The following ASPRV1 variants were observed in gnomAD, a reference collection of about 807,000 sequenced individuals.
ASPRV1 encodes the protein retroviral-like aspartic protease 1.
A neutral mutation model predicts 11.0 loss-of-function variants in ASPRV1; 7 were observed. That is an observed-to-expected ratio of 0.64 (90% CI 0.36 to 1.20). The LOEUF is 1.20. Among genes scored for constraint, ASPRV1 ranks in the 50% most tolerant of loss-of-function variants. The pLI, the probability that ASPRV1 is intolerant of heterozygous loss-of-function variation, is 0.02. For missense variants in ASPRV1, 299 were observed against 320.0 expected (o/e 0.93, Z 0.50); for synonymous variants, 136 against 138.4 (o/e 0.98, Z 0.12).
At chr2:70,010,720 G>C in the ASPRV1 span, among the ~76,000 whole-genome samples, 1 of 152,138 alleles carries the variant, frequency 6.6e-6, no homozygotes. Context: ...CATGAGAGCT[G>C]CTTCCTCCAG....
the ASPRV1 span, chr2:69,938,069 A>G: frequency 3.7e-6 from 6 of 1,606,624 alleles, no homozygotes; most frequent in Non-Finnish European, 5.1e-6. Flanking sequence ...GCTTTCATCA[A>G]TGTCCTTCTC....
At chr2:69,938,482 G>T in the ASPRV1 span, 2 of 569,840 alleles carry the variant, frequency 3.5e-6, no homozygotes, top group East Asian at 3.1e-5. Context: ...TCTTTTTCTC[G>T]CCATAAAAAT....
chr2:69,948,674 T>C, the ASPRV1 span, among the ~76,000 whole-genome samples: 2 of 152,078 alleles, frequency 1.3e-5, no homozygotes, highest in African/African-American at 2.4e-5. Context: ...GTGGAGCCCT[T>C]TGGTCTCAGG....
chr2:69,966,400 G>A (rs1231977215), upstream of ASPRV1, among the ~76,000 whole-genome samples: 2 of 152,156 alleles, frequency 1.3e-5, no homozygotes, highest in Admixed American at 6.5e-5. Context: ...TCCTTGCCAC[G>A]GAGGGCCAGG....
the ASPRV1 span, among the ~76,000 whole-genome samples, chr2:70,058,221 TTTC>T: frequency 1.3e-5 from 2 of 152,230 alleles, no homozygotes; most frequent in Non-Finnish European, 2.9e-5. Flanking sequence ...TCTTTATAAA[TTTC>T]TTGTCAAAAT....
the ASPRV1 span, among the ~76,000 whole-genome samples, chr2:70,003,856 C>G: frequency 2.0e-5 from 3 of 152,324 alleles, no homozygotes; most frequent in African/African-American, 7.2e-5. Flanking sequence ...GGGTTCCTCA[C>G]AAAAGGACAA....
upstream of ASPRV1, among the ~76,000 whole-genome samples, chr2:69,965,928 C>A (rs1489363346): frequency 6.6e-6 from 1 of 152,244 alleles, no homozygotes; most frequent in Non-Finnish European, 1.5e-5. Flanking sequence ...TGCCACTGTT[C>A]CAGAACCTGT....
the ASPRV1 span, among the ~76,000 whole-genome samples, chr2:69,967,917 C>T: frequency 6.6e-6 from 1 of 151,876 alleles, no homozygotes; most frequent in Non-Finnish European, 1.5e-5. Flanking sequence ...CCTGGCTCTA[C>T]TAAAAATTAC....
the ASPRV1 span, chr2:69,997,809 G>A: frequency 6.6e-6 from 1 of 152,244 alleles, no homozygotes; most frequent in Non-Finnish European, 1.5e-5. Flanking sequence ...TGCCCCAGGT[G>A]ATTCTGACAC....
chr2:69,935,884 C>T, the ASPRV1 span, among the ~76,000 whole-genome samples: 1 of 152,206 alleles, frequency 6.6e-6, no homozygotes, highest in Non-Finnish European at 1.5e-5. Flanking sequence ...AACAGTCCTT[C>T]CAAGGTGCAA....
the ASPRV1 span, among the ~76,000 whole-genome samples, chr2:70,063,383 T>G: frequency 5.9e-5 from 9 of 152,198 alleles, no homozygotes; most frequent in Admixed American, 5.9e-4. Flanking sequence ...CCGTACTATA[T>G]TCTACAGAAT....
At chr2:69,990,826 AATC>A in the ASPRV1 span, among the ~76,000 whole-genome samples, 1 of 152,066 alleles carries the variant, frequency 6.6e-6, no homozygotes, top group African/African-American at 2.4e-5. Context: ...CATCCATGGT[AATC>A]ATCAACTTCT....
the ASPRV1 span, chr2:70,064,079 G>T: frequency 2.6e-5 from 4 of 152,116 alleles, no homozygotes; most frequent in South Asian, 4.1e-4. Context: ...TTATCCTCAG[G>T]ACACATGCTC....
At chr2:70,032,412 T>C in the ASPRV1 span, among the ~76,000 whole-genome samples, 1 of 151,902 alleles carries the variant, frequency 6.6e-6, no homozygotes, top group Non-Finnish European at 1.5e-5. Context: ...TCTCAGCATT[T>C]TGGGAGGCTA....
chr2:69,998,776 C>T, the ASPRV1 span, among the ~76,000 whole-genome samples: 2 of 150,930 alleles, frequency 1.3e-5, no homozygotes, highest in Non-Finnish European at 3.0e-5. Context: ...CAGGTAAGAA[C>T]AGGCTAGGAA....
chr2:69,936,306 G>T, the ASPRV1 span, among the ~76,000 whole-genome samples: 1 of 152,042 alleles, frequency 6.6e-6, no homozygotes, highest in Non-Finnish European at 1.5e-5. Flanking sequence ...CCATTGTGTT[G>T]TCTCAATCCT....
chr2:70,086,914 G>C, the ASPRV1 span: 1 of 152,244 alleles, frequency 6.6e-6, no homozygotes, highest in Admixed American at 6.5e-5. Context: ...GCTGGGGTGG[G>C]GGATCCATGC....
chr2:70,051,810 GA>G, the ASPRV1 span, among the ~76,000 whole-genome samples: 2 of 151,996 alleles, frequency 1.3e-5, no homozygotes, highest in Admixed American at 6.6e-5. Flanking sequence ...CCCATCTTTA[GA>G]AAAAAATTTT....
chr2:70,072,767 T>G, the ASPRV1 span, among the ~76,000 whole-genome samples: 1 of 148,870 alleles, frequency 6.7e-6, no homozygotes, highest in East Asian at 2.0e-4. Flanking sequence ...AATAATAATT[T>G]TTTGCAGGGC....
Sources: allele counts gnomAD v4.1 joint callset (sites outside exome capture counted in the v4.1 genomes callset), GRCh38; gene constraint gnomAD v4.1.1; transcripts MANE v1.5; gene names NCBI Gene and HGNC (gene_info 2026-07-23, HGNC 2026-07-21).